WTAP: variants seen among roughly 807,000 people sequenced by gnomAD.
WTAP encodes pre-mRNA-splicing regulator WTAP.
WTAP carries 8 observed loss-of-function variants against 50.0 expected under a neutral mutation model. The ratio of observed to expected loss-of-function variants is 0.16; its 90% CI spans 0.09 to 0.29. WTAP has a LOEUF of 0.29. WTAP is among the 10% of genes least tolerant of loss of function. WTAP has a pLI of 1.00. For synonymous variants in WTAP, 194 were observed against 169.0 expected (o/e 1.15, Z -1.15); for missense variants, 295 against 470.7 (o/e 0.63, Z 3.45).
chr6:159,753,707 C>T, intron 7 of WTAP, 93 bp downstream of exon 7: 1 of 1,421,264 alleles, frequency 7.0e-7, no homozygotes, highest in Admixed American at 2.4e-5. Flanking sequence ...AGATTCTGTA[C>T]ATTGTTAACC....
chr6:159,733,067 G>C (rs2758313), intron 1 of WTAP, among the ~76,000 whole-genome samples: 119,455 of 152,004 alleles, frequency 0.79, 47,179 homozygotes, highest in South Asian at 0.85. Context: ...GATGGTTTCT[G>C]AGATGATTAA....
intron 1 of WTAP, among the ~76,000 whole-genome samples, chr6:159,733,745 C>G (rs2114884240): frequency 6.6e-6 from 1 of 152,120 alleles, no homozygotes; most frequent in South Asian, 2.1e-4. Flanking sequence ...GAAACCCCGT[C>G]TCTACTAAAA....
At chr6:159,727,808 G>A in intron 1 of WTAP, 105 bp downstream of exon 1, 1 of 802,320 alleles carries the variant, frequency 1.2e-6, no homozygotes, top group Non-Finnish European at 1.5e-6. Context: ...GGCCCGAAAG[G>A]CCACACGGGC....
At chr6:159,753,264 T>A (rs1779885308) in intron 6 of WTAP, 196 bp from the exon 7 acceptor site, 3 of 728,004 alleles carry the variant, frequency 4.1e-6, no homozygotes, top group Non-Finnish European at 6.5e-6. Flanking sequence ...GTTTAGGGTT[T>A]ATTTTTACTG....
intron 5 of WTAP, chr6:159,745,253 G>T (rs1779506414): frequency 6.6e-6 from 1 of 152,162 alleles, no homozygotes; most frequent in Non-Finnish European, 1.5e-5. Context: ...CATCATAGTT[G>T]ATGTGTGCAC....
chr6:159,738,844 C>A (rs919299492), intron 2 of WTAP, 146 bp from the exon 3 acceptor site: 15 of 438,654 alleles, frequency 3.4e-5, no homozygotes, highest in Middle Eastern at 6.2e-4. Context: ...AAAAAAAAAA[C>A]TTTTGTAATA....
chr6:159,738,908 T>A, intron 2 of WTAP, 82 bp from the exon 3 acceptor site: 1 of 1,008,320 alleles, frequency 9.9e-7, no homozygotes, highest in Admixed American at 2.2e-5. Flanking sequence ...ATCTCACACT[T>A]GGGAGATGTT....
intron 3 of WTAP, among the ~76,000 whole-genome samples, chr6:159,740,878 A>G (rs1324066154): frequency 2.6e-5 from 4 of 151,046 alleles, no homozygotes; most frequent in Non-Finnish European, 5.9e-5. Flanking sequence ...ATTTTTTTGT[A>G]TTTTCAGTAG....
chr6:159,741,907 G>A (rs549149055), intron 3 of WTAP, 181 bp from the exon 4 acceptor site: 27 of 488,842 alleles, frequency 5.5e-5, no homozygotes, highest in African/African-American at 1.6e-4. Flanking sequence ...CCCTGTTTGC[G>A]CCACGCTGCA....
At chr6:159,746,274 A>G (rs1779568213) in intron 5 of WTAP, among the ~76,000 whole-genome samples, 4 of 152,194 alleles carry the variant, frequency 2.6e-5, no homozygotes, top group Admixed American at 1.3e-4. Context: ...GTGATGTACT[A>G]TAGGAGTTTG....
At chr6:159,743,405 A>G (rs1779380279) in intron 4 of WTAP, among the ~76,000 whole-genome samples, 1 of 152,264 alleles carries the variant, frequency 6.6e-6, no homozygotes, top group Non-Finnish European at 1.5e-5. Context: ...AATACTGTAT[A>G]ACACAGATGT....
chr6:159,735,578 G>C (rs1439726035), intron 1 of WTAP, among the ~76,000 whole-genome samples: 1 of 152,034 alleles, frequency 6.6e-6, no homozygotes, highest in East Asian at 1.9e-4. Flanking sequence ...GTGAAACCCC[G>C]TCTCTACTAA....
chr6:159,736,857 TAA>T (rs1466448591), intron 2 of WTAP: 2 of 152,198 alleles, frequency 1.3e-5, no homozygotes, highest in African/African-American at 2.4e-5. Flanking sequence ...GTGGCTGTTA[TAA>T]AAGAGGTAAC....
At chr6:159,728,296 C>T (rs764723471) in intron 1 of WTAP, among the ~76,000 whole-genome samples, 19 of 151,956 alleles carry the variant, frequency 1.3e-4, no homozygotes, top group Non-Finnish European at 2.2e-4. Context: ...TTTCATAAGT[C>T]TGTGTACACG....
At chr6:159,749,459 T>C in intron 6 of WTAP, 6 of 980,912 alleles carry the variant, frequency 6.1e-6, no homozygotes, top group Non-Finnish European at 7.3e-6. Context: ...AAGAATATTA[T>C]GATGATTTTG....
Position 159,740,081 on chromosome 6 carries a change from G to C in WTAP, c.86+1036G>C, listed in dbSNP as rs143160900. Among the ~76,000 whole-genome samples, 934 of 152,102 alleles carry C rather than the reference G, an allele frequency of 6.1e-3. 5 individuals carry two copies. Among genetic ancestry groups the C allele is most frequent in the Non-Finnish European group, 7.4e-3 (506 of 68,000 alleles). ...GCTGGTCTTGAATGCCTGGCCTGAAGTGATTCTCTCACCTTGGCCTCCCAA... is the reference window on the plus strand; with the variant it reads ...GCTGGTCTTGAATGCCTGGCCTGAACTGATTCTCTCACCTTGGCCTCCCAA... On this transcript the variant is annotated intron_variant, in intron 3 of 7. Transcript: ENST00000621533.
chr6:159,727,907 C>T (rs557563364), intron 1 of WTAP, among the ~76,000 whole-genome samples: 26 of 152,376 alleles, frequency 1.7e-4, no homozygotes, highest in South Asian at 4.1e-4. Context: ...TATCTCTGTC[C>T]TCCGTCCCCA....
intron 3 of WTAP, among the ~76,000 whole-genome samples, chr6:159,740,934 C>G (rs1276983505): frequency 6.6e-6 from 1 of 151,958 alleles, no homozygotes; most frequent in Non-Finnish European, 1.5e-5. Flanking sequence ...GATTTCTTGA[C>G]CTCATGATCT....
Position 159,729,900 on chromosome 6 carries a change from A to G in WTAP, c.-9+2197A>G, listed in dbSNP as rs189040140. ...ACCTAACTTTATGATGCTAAGAGCC[A>G]GGAAGGTACTGGGATCTGGGATGCT... is the stretch of plus-strand genomic sequence containing the variant. On this transcript the variant is annotated intron_variant, in intron 1 of 7. Transcript: ENST00000621533. 6.3e-3 allele frequency among the ~76,000 whole-genome samples: 955 copies of G among 152,326 alleles called. 5 individuals carry two copies. Among genetic ancestry groups the G allele is most frequent in the Non-Finnish European group, 9.3e-3 (631 of 68,026 alleles).
Sources: allele counts gnomAD v4.1 joint callset (sites outside exome capture counted in the v4.1 genomes callset), GRCh38; gene constraint gnomAD v4.1.1; transcripts MANE v1.5; gene names NCBI Gene and HGNC (gene_info 2026-07-23, HGNC 2026-07-21).